The following TAS1R2 variants were observed in gnomAD, a reference collection of about 807,000 sequenced individuals.
TAS1R2 encodes the protein taste receptor type 1 member 2.
A neutral mutation model predicts 49.3 loss-of-function variants in TAS1R2; 47 were observed. The observed-to-expected ratio is 0.95, with a 90% CI of 0.75 to 1.22. The LOEUF (loss-of-function observed/expected upper bound fraction) is 1.22, where lower values mean the gene tolerates loss of function less well. Among genes scored for constraint, TAS1R2 ranks in the 50% most tolerant of loss-of-function variants. The pLI, the probability that TAS1R2 is intolerant of heterozygous loss-of-function variation, is 0.00. For synonymous variants in TAS1R2, 479 were observed against 467.9 expected, an observed-to-expected ratio of 1.02 and a Z score of -0.31; for missense variants, 1,155 against 1,122.1, an observed-to-expected ratio of 1.03 and a Z score of -0.42.
chr1:18,856,467 C>T (rs1052677368), intron 2 of TAS1R2, among the ~76,000 whole-genome samples: 5 of 152,192 alleles, frequency 3.3e-5, no homozygotes, highest in African/African-American at 1.2e-4. Context: ...CACTTCTCAC[C>T]TCTAACATCC....
rs966587859 is a variant in TAS1R2 at position 18,849,394 on chromosome 1, G to A, written c.1414C>T (p.Gln472Ter). 6.9e-5 allele frequency: 112 copies of A among 1,614,080 alleles called. No homozygotes were observed. The highest frequency in any genetic ancestry group is 9.2e-5 in the Non-Finnish European group (109 of 1,180,042). Residue 472 changes from glutamine to a stop codon, truncating the protein, a stop_gained, in exon 4 of 6, where the codon CAG becomes TAG. Coordinates refer to ENST00000375371, the Ensembl canonical transcript of TAS1R2. LOFTEE classifies it high-confidence loss of function. ...TCTTGGATGTTCTTCAGCTGTCGCT[G>A]CAGGGGGTAGTAGGAGGCGACGCTC...
intron 4 of TAS1R2, among the ~76,000 whole-genome samples, chr1:18,845,357 A>T (rs1933900370): frequency 6.6e-6 from 1 of 152,210 alleles, no homozygotes; most frequent in South Asian, 2.1e-4. Context: ...CTTTAAGATG[A>T]AGTTTTGAAT....
At chr1:18,849,157 G>A (rs1405929413) in intron 4 of TAS1R2, 184 bp downstream of exon 4, 3 of 666,336 alleles carry the variant, frequency 4.5e-6, no homozygotes, top group African/African-American at 3.6e-5. Context: ...GCCCTGAACA[G>A]GCATAGTTCC....
chr1:18,854,908 C>G lies in TAS1R2; in HGVS notation c.562G>C (p.Asp188His), dbSNP rs778307315. The G allele has an allele frequency of 1.9e-6, 3 of 1,613,198 alleles. No individual in the cohort carries two copies. The highest frequency in any genetic ancestry group is 2.7e-5 in the African/African-American group (2 of 74,900). ...TGCACCATGGCCTCGATGTGGTGGT[C>G]GGCGCTGGGTGTGGTACGCAGCAAA... is the stretch of plus-strand genomic sequence containing the variant. The change falls in exon 3 of 6, where the codon GAC becomes CAC. Residue 188 changes from aspartate (D) to histidine (H), a missense_variant. By Grantham distance (81) the Asp-to-His change is moderately conservative. Transcript: ENST00000375371. This position sits in a 1 kb window ranked among gnomAD's most constrained non-coding sequence, Gnocchi z 4.9.
At chr1:18,853,762 T>C (rs1430642828) in intron 3 of TAS1R2, among the ~76,000 whole-genome samples, 1 of 152,204 alleles carries the variant, frequency 6.6e-6, no homozygotes, top group Non-Finnish European at 1.5e-5. Flanking sequence ...AGCTTCGTGG[T>C]GGGAGGTCTC....
chr1:18,849,400 G>A, exon 4 of TAS1R2: 2 of 1,614,196 alleles, frequency 1.2e-6, no homozygotes, highest in South Asian at 2.2e-5. Flanking sequence ...CGCTGCAGGG[G>A]GTAGTAGGAG....
In TAS1R2 at chr1:18,844,565, C is replaced by T. The variant is rs569811629; in HGVS notation, c.1468-2713G>A. Among the ~76,000 whole-genome samples, 7 of 152,192 alleles carry T rather than the reference C, an allele frequency of 4.6e-5. No individual in the cohort carries two copies. In the East Asian group the frequency reaches 1.4e-3, roughly 29 times the overall value. ...GGTCAGGAGTTCCAGACCAACCTGG[C>T]CAACATGGCGAAATGCTGTCTCTAC... On this transcript the variant is annotated intron_variant, in intron 4 of 5. Transcript: ENST00000375371.
chr1:18,840,329 C>A (rs200812417), exon 6 of TAS1R2: 2 of 1,614,044 alleles, frequency 1.2e-6, no homozygotes, highest in South Asian at 1.1e-5. Context: ...CCCAGCCGAG[C>A]GAACTATGGG....
chr1:18,854,690 A>G lies in TAS1R2; in HGVS notation c.780T>C (p.Ile260=), dbSNP rs1194307043. 2 of 1,613,818 alleles carry G rather than the reference A, an allele frequency of 1.2e-6. No individual in the cohort carries two copies. The highest frequency in any genetic ancestry group is 1.3e-5 in the African/African-American group (1 of 75,042). The change falls in exon 3 of 6, where the codon ATT becomes ATC. Residue 260 remains isoleucine (I), a synonymous_variant. Transcript: ENST00000375371. The surrounding 1 kb of genome is among the most constrained non-coding windows in gnomAD (Gnocchi z 4.9). ...CTGTGCTCTGCTGCAGCTTGTCCAC[A>G]ATGGTCACCAGGCGCTGGCGCTCCT...
chr1:18,859,522 C>T (rs1206180267), exon 1 of TAS1R2: 1 of 1,614,164 alleles, frequency 6.2e-7, no homozygotes, highest in East Asian at 2.2e-5. Context: ...TGAACAATGC[C>T]CTTCATGTTG....
intron 2 of TAS1R2, 57 bp from the exon 3 acceptor site, chr1:18,855,043 C>A: frequency 6.4e-7 from 1 of 1,557,956 alleles, no homozygotes; most frequent in Non-Finnish European, 8.7e-7. Context: ...TCTGCCCCCA[C>A]CCCAGGGCTC....
rs779447244 is a variant in TAS1R2, at chr1:18,854,956, G to A, written c.514C>T (p.Arg172Ter). 57 of 1,606,470 alleles carry A rather than the reference G, an allele frequency of 3.5e-5. No homozygotes were observed. Among genetic ancestry groups the A allele is most frequent in the Admixed American group, 2.2e-4 (13 of 59,890 alleles). Residue 172 changes from arginine to a stop codon, truncating the protein, a stop_gained, in exon 3 of 6, where the codon CGA (arginine) becomes TGA (stop). Coordinates refer to ENST00000375371, the Ensembl canonical transcript of TAS1R2. LOFTEE classifies it high-confidence loss of function. This position sits in a 1 kb window ranked among gnomAD's most constrained non-coding sequence, Gnocchi z 4.9. ...AAAGCCGGGAAGCGCACCTTGTCTC[G>A]CAGCTCATCGCTGATGGCGCTGTAG...
At chr1:18,846,336 G>T (rs185135639) in intron 4 of TAS1R2, among the ~76,000 whole-genome samples, 14 of 152,330 alleles carry the variant, frequency 9.2e-5, no homozygotes, top group African/African-American at 2.9e-4. Context: ...CTCTTCGGGA[G>T]GTCCCAGTAA....
intron 4 of TAS1R2, among the ~76,000 whole-genome samples, chr1:18,848,733 G>T (rs1278892053): frequency 4.6e-5 from 7 of 152,138 alleles, no homozygotes; most frequent in Admixed American, 2.0e-4. Context: ...TGCATACAAG[G>T]GATCTAGGTT....
Position 18,854,128 on chromosome 1 carries a change from C to T in TAS1R2, c.1257+85G>A, listed in dbSNP as rs1934081151. On this transcript the variant is annotated intron_variant, in intron 3 of 5. Coordinates refer to ENST00000375371, the Ensembl canonical transcript of TAS1R2. This position sits in a 1 kb window ranked among gnomAD's most constrained non-coding sequence, Gnocchi z 4.9. Reference sequence around the variant, plus strand: ...TATGTGTCTGGAAGAATGGGATACTCATGCCCTTTCACACCCATTTGCCCA... The same window carrying T: ...TATGTGTCTGGAAGAATGGGATACTTATGCCCTTTCACACCCATTTGCCCA... 8.3e-6 allele frequency: 11 copies of T among 1,329,496 alleles called. No homozygotes were observed. Among genetic ancestry groups the T allele is most frequent in the Non-Finnish European group, 1.1e-5 (11 of 966,916 alleles). 82.4% of individuals were successfully genotyped at this position (1,329,496 alleles called of 1,614,324 possible). A position where few individuals can be genotyped will look rare whatever the true frequency, so the allele number is the denominator to read the frequency against.
At chr1:18,846,575 A>C (rs1933924221) in intron 4 of TAS1R2, among the ~76,000 whole-genome samples, 1 of 152,228 alleles carries the variant, frequency 6.6e-6, no homozygotes, top group Non-Finnish European at 1.5e-5. Flanking sequence ...TTAAAGTCCT[A>C]GTCCCCAGGA....
intron 3 of TAS1R2, among the ~76,000 whole-genome samples, chr1:18,853,408 G>T (rs958334853): frequency 6.6e-6 from 1 of 152,142 alleles, no homozygotes; most frequent in Non-Finnish European, 1.5e-5. Flanking sequence ...GTTTAAGGTT[G>T]CAAGGTTAGG....
At chr1:18,845,943 G>A (rs772345760) in intron 4 of TAS1R2, among the ~76,000 whole-genome samples, 1 of 152,196 alleles carries the variant, frequency 6.6e-6, no homozygotes, top group Non-Finnish European at 1.5e-5. Context: ...ACAACTTTGG[G>A]TAGTGGCTAA....
At chr1:18,858,295 TCAG>T (rs1934177591) in intron 1 of TAS1R2, 1 of 149,518 alleles carries the variant, frequency 6.7e-6, no homozygotes. Flanking sequence ...AGCACCATCA[TCAG>T]CATCACTACG....
Sources: allele counts gnomAD v4.1 joint callset (sites outside exome capture counted in the v4.1 genomes callset), GRCh38; gene constraint gnomAD v4.1.1; non-coding constraint Gnocchi (gnomAD v3.1); transcripts MANE v1.5; gene names NCBI Gene and HGNC (gene_info 2026-07-23, HGNC 2026-07-21).